The following ECHDC3 variants were observed in gnomAD, a reference collection of about 807,000 sequenced individuals.
The protein encoded by ECHDC3 is enoyl-CoA hydratase domain containing 3.
ECHDC3 carries 20 observed loss-of-function variants against 17.9 expected under a neutral mutation model. The observed-to-expected ratio is 1.12, with a 90% CI of 0.79 to 1.63. The LOEUF is 1.63. ECHDC3 is among the 40% of genes most tolerant of loss of function. ECHDC3 has a pLI of 0.00. For synonymous variants in ECHDC3, 177 were observed against 149.7 expected, an observed-to-expected ratio of 1.18 and a Z score of -1.33; for missense variants, 407 against 357.7, an observed-to-expected ratio of 1.14 and a Z score of -1.11.
In ECHDC3 at chr10:11,742,760, C is replaced by T; in HGVS notation, c.170+14C>T. 3 of 1,225,620 alleles carry T rather than the reference C, an allele frequency of 2.4e-6. No homozygotes were observed. The highest frequency in any genetic ancestry group is 4.3e-5 in the Admixed American group (1 of 23,280). The allele number at this position is 1,225,620 out of a possible 1,614,324, so 75.9% of individuals were successfully genotyped here. On this transcript the variant is annotated intron_variant, in intron 1 of 4. Transcript: ENST00000379215. Reference sequence around the variant, plus strand: ...GGACGGCATAAGGTCAGCCCCGGGCCGCGCGGGCTCCTCGCGTTGGTGCCG... The same window carrying T: ...GGACGGCATAAGGTCAGCCCCGGGCTGCGCGGGCTCCTCGCGTTGGTGCCG...
Position 11,742,672 on chromosome 10 carries a change from C to G in ECHDC3, c.96C>G (p.Ser32Arg). ...PWAQLPARFC[S>R]RDPAGAGRRE... Reference sequence around the variant, plus strand: ...CCCAGCTCCCCGCCCGCTTCTGCAGCCGGGACCCGGCCGGGGCGGGGCGGC... The same window carrying G: ...CCCAGCTCCCCGCCCGCTTCTGCAGGCGGGACCCGGCCGGGGCGGGGCGGC... Residue 32 changes from serine to arginine, a missense_variant, in exon 1 of 5, where the codon AGC becomes AGG. By Grantham distance (110) the Ser-to-Arg change is moderately radical (BLOSUM62 -1). Transcript: ENST00000379215. The G allele has an allele frequency of 8.0e-7, 1 of 1,245,830 alleles. No homozygotes were observed. The highest frequency in any genetic ancestry group is 1.0e-6 in the Non-Finnish European group (1 of 996,860). 77.2% of individuals were successfully genotyped at this position (1,245,830 alleles called of 1,614,324 possible).
Position 11,755,401 on chromosome 10 carries a change from C to G in ECHDC3, c.391-7C>G, listed in dbSNP as rs779691973. On this transcript the variant is annotated splice_polypyrimidine_tract_variant and splice_region_variant and intron_variant, in intron 3 of 4. Coordinates refer to ENST00000379215, the MANE Select transcript of ECHDC3 (RefSeq NM_024693.5). ...GTGGAAATGAAGTAGGTGTGTTTGTCCCGCAGGTCATGATGCACATCCGGA... is the reference window on the plus strand; with the variant it reads ...GTGGAAATGAAGTAGGTGTGTTTGTGCCGCAGGTCATGATGCACATCCGGA... 2 of 1,605,472 alleles carry G rather than the reference C, an allele frequency of 1.2e-6. No homozygotes were observed. The highest frequency in any genetic ancestry group is 1.3e-5 in the African/African-American group (1 of 74,702).
In ECHDC3 at chr10:11,742,848, G is replaced by A. The variant is rs566256834; in HGVS notation, c.170+102G>A. On this transcript the variant is annotated intron_variant, in intron 1 of 4. Coordinates refer to ENST00000379215, the MANE Select transcript of ECHDC3 (RefSeq NM_024693.5). Reference sequence around the variant, plus strand: ...CCCGGGGAACCGGAGCCCCGTTTACGCCCCTGGGGAGGGAACTCCCCGTGT... The same window carrying A: ...CCCGGGGAACCGGAGCCCCGTTTACACCCCTGGGGAGGGAACTCCCCGTGT... 6 of 1,179,436 alleles carry A rather than the reference G, an allele frequency of 5.1e-6. No homozygotes were observed. The African/African-American group carries it at 9.6e-5, about 19-fold the overall frequency. 73.1% of individuals were successfully genotyped at this position (1,179,436 alleles called of 1,614,324 possible). A position where few individuals can be genotyped will look rare whatever the true frequency, so the allele number is the denominator to read the frequency against.
At chr10:11,747,291 G>C (rs4750089) in intron 1 of ECHDC3, 58 bp from the exon 2 acceptor site, 1,571,731 of 1,591,758 alleles carry the variant, frequency 0.99, 777,979 homozygotes, top group East Asian at 1. Context: ...GGAATCGCAG[G>C]GGTCCTCACT....
intron 4 of ECHDC3, among the ~76,000 whole-genome samples, chr10:11,757,015 G>T (rs936250037): frequency 6.6e-6 from 1 of 152,212 alleles, no homozygotes; most frequent in East Asian, 1.9e-4. Context: ...GATTACAGGC[G>T]TGAGCCGCCG....
At chr10:11,762,726 C>T (rs952763275) in intron 4 of ECHDC3, among the ~76,000 whole-genome samples, 24 of 152,174 alleles carry the variant, frequency 1.6e-4, no homozygotes, top group African/African-American at 5.3e-4. Context: ...GTCTGGTCCC[C>T]AAAGACATTG....
Position 11,742,417 on chromosome 10 carries a change from C to T in ECHDC3, c.-160C>T, listed in dbSNP as rs554911891. 511 of 621,334 alleles carry T rather than the reference C, an allele frequency of 8.2e-4. 2 individuals are homozygous for T. The African/African-American group carries it at 9.7e-3, about 12-fold the overall frequency. 38.5% of individuals were successfully genotyped at this position (621,334 alleles called of 1,614,324 possible). On this transcript the variant is annotated 5_prime_UTR_variant, in exon 1 of 5. Transcript: ENST00000379215. ...CTGGGCCTGGCCTGGGGCGTCCCCG[C>T]GAAGCCTGGGCCTGTCAGGCGGTTC...
At position 11,763,532 on chromosome 10, in the gene ECHDC3, C is replaced by T. The variant is rs754110273; in HGVS notation, c.900C>T (p.His300=). Residue 300 remains histidine (H), a synonymous_variant, in exon 5 of 5, where the codon CAC becomes CAT. Coordinates refer to ENST00000379215, the MANE Select transcript of ECHDC3 (RefSeq NM_024693.5). The surrounding 1 kb of genome is among the most constrained non-coding windows in gnomAD (Gnocchi z 4.9). ...FLQKRKPVWS[H]EPV ...AGAAGAGAAAACCTGTCTGGTCACACGAGCCAGTGTGAGTGGAGGCAGAGG... is the reference window on the plus strand; with the variant it reads ...AGAAGAGAAAACCTGTCTGGTCACATGAGCCAGTGTGAGTGGAGGCAGAGG... The T allele has an allele frequency of 8.1e-6, 12 of 1,479,392 alleles. No homozygotes were observed. Among genetic ancestry groups the T allele is most frequent in the African/African-American group, 2.8e-5 (2 of 72,386 alleles). 91.6% of individuals were successfully genotyped at this position (1,479,392 alleles called of 1,614,324 possible). A position where few individuals can be genotyped will look rare whatever the true frequency, so the allele number is the denominator to read the frequency against.
intron 1 of ECHDC3, among the ~76,000 whole-genome samples, chr10:11,745,256 A>G (rs561906495): frequency 1.3e-4 from 20 of 152,206 alleles, no homozygotes; most frequent in African/African-American, 3.4e-4. Flanking sequence ...ACACATGAAC[A>G]GATTCCGCGG....
intron 4 of ECHDC3, among the ~76,000 whole-genome samples, chr10:11,759,481 C>A (rs1222103326): frequency 6.6e-6 from 1 of 152,136 alleles, no homozygotes; most frequent in Non-Finnish European, 1.5e-5. Flanking sequence ...CCTCACCAGT[C>A]GCTGAGTGCC....
chr10:11,755,717 G>A, intron 4 of ECHDC3, 109 bp downstream of exon 4: 1 of 1,102,466 alleles, frequency 9.1e-7, no homozygotes, highest in Non-Finnish European at 1.3e-6. Context: ...TTTCATATCA[G>A]GACGTTCTGC....
In ECHDC3 at chr10:11,744,354, C is replaced by G. The variant is rs150158846; in HGVS notation, c.170+1608C>G. Among the ~76,000 whole-genome samples, 37 of 152,280 alleles carry G rather than the reference C, an allele frequency of 2.4e-4. No individual in the cohort carries two copies. In the East Asian group the frequency reaches 7.1e-3, roughly 29 times the overall value. ...TGAAAAAATGGGGTGTGATGTCATT[C>G]CACTGCATTCGGTGGAATTGGCTGT... On this transcript the variant is annotated intron_variant, in intron 1 of 4. Transcript: ENST00000379215.
At chr10:11,747,148 C>A in intron 1 of ECHDC3, 1 of 508,332 alleles carries the variant, frequency 2.0e-6, no homozygotes, top group Non-Finnish European at 3.3e-6. Context: ...GGAAACCCAG[C>A]CTGCATTTCA....
At chr10:11,751,787 T>C (rs7905394) in intron 3 of ECHDC3, among the ~76,000 whole-genome samples, 10,492 of 152,264 alleles carry the variant, frequency 0.069, 775 homozygotes, top group African/African-American at 0.18. Context: ...ACTTACATCC[T>C]GTTGAAGTTT....
Position 11,747,381 on chromosome 10 carries a change from A to C in ECHDC3, c.203A>C (p.Asn68Thr), listed in dbSNP as rs1322750608. The C allele has an allele frequency of 6.2e-7, 1 of 1,614,006 alleles. No homozygotes were observed. The highest frequency in any genetic ancestry group is 1.7e-5 in the Admixed American group (1 of 60,012). Residue 68 changes from asparagine to threonine, a missense_variant, in exon 2 of 5, where the codon AAC becomes ACC. Asn to Thr is a moderately conservative substitution (Grantham distance 65, BLOSUM62 0). Coordinates refer to ENST00000379215, the MANE Select transcript of ECHDC3 (RefSeq NM_024693.5). Reference sequence around the variant, plus strand: ...GTCTTGAGCAATCCCAAGAAGAGGAACGCGTTGTCACTTGCAATGCTGAAG... The same window carrying C: ...GTCTTGAGCAATCCCAAGAAGAGGACCGCGTTGTCACTTGCAATGCTGAAG... ...NIVLSNPKKR[N>T]ALSLAMLKSL...
intron 4 of ECHDC3, 195 bp downstream of exon 4, chr10:11,755,803 T>TC (rs1395006890): frequency 9.3e-6 from 5 of 539,508 alleles, no homozygotes; most frequent in African/African-American, 1.9e-5. Flanking sequence ...GCCTGCCTGT[T>TC]CCTCTGTAGC....
chr10:11,755,646 C>A, intron 4 of ECHDC3, 38 bp downstream of exon 4: 1 of 1,562,730 alleles, frequency 6.4e-7, no homozygotes, highest in Non-Finnish European at 8.7e-7. Flanking sequence ...GCCTCCCAGC[C>A]TTCTCCGGAG....
chr10:11,744,666 G>A (rs752158249), intron 1 of ECHDC3, among the ~76,000 whole-genome samples: 2 of 151,950 alleles, frequency 1.3e-5, no homozygotes, highest in African/African-American at 2.4e-5. Context: ...CCACTGGGAG[G>A]GTTCAGTGAA....
At chr10:11,744,389 G>T (rs1048259740) in intron 1 of ECHDC3, among the ~76,000 whole-genome samples, 1 of 152,188 alleles carries the variant, frequency 6.6e-6, no homozygotes, top group Non-Finnish European at 1.5e-5. Context: ...TGAAAAAATA[G>T]AAATGCTATT....
Sources: allele counts gnomAD v4.1 joint callset (sites outside exome capture counted in the v4.1 genomes callset), GRCh38; gene constraint gnomAD v4.1.1; non-coding constraint Gnocchi (gnomAD v3.1); transcripts MANE v1.5; gene names NCBI Gene and HGNC (gene_info 2026-07-23, HGNC 2026-07-21).